AGXT: variants seen among roughly 807,000 people sequenced by gnomAD.
AGXT encodes the protein alanine--glyoxylate aminotransferase.
A neutral mutation model predicts 46.9 loss-of-function variants in AGXT; 41 were observed. The observed-to-expected ratio is 0.88, with a 90% confidence interval of 0.68 to 1.14. The LOEUF (loss-of-function observed/expected upper bound fraction) is 1.14. Among genes scored for constraint, AGXT ranks in the 50% most tolerant of loss-of-function variants. AGXT has a pLI of 0.00. For synonymous variants in AGXT, 244 were observed against 227.9 expected, an observed-to-expected ratio of 1.07 and a Z score of -0.64; for missense variants, 525 against 522.7, an observed-to-expected ratio of 1.00 and a Z score of -0.04.
At chr2:240,875,378 T>C (rs914609351) in intron 7 of AGXT, among the ~76,000 whole-genome samples, 174 bp downstream of exon 7, 29 of 152,144 alleles carry the variant, frequency 1.9e-4, no homozygotes, top group African/African-American at 7.0e-4. Flanking sequence ...CCACCCTGGG[T>C]TCCCCCATTC....
intron 2 of AGXT, among the ~76,000 whole-genome samples, chr2:240,870,219 G>C (rs2058984076): frequency 6.6e-6 from 1 of 152,268 alleles, no homozygotes; most frequent in South Asian, 2.1e-4. Context: ...GGTCAAGGCT[G>C]CTGCCTCACT....
At chr2:240,873,420 C>A (rs2059002439) in intron 5 of AGXT, 1 of 308,566 alleles carries the variant, frequency 3.2e-6, no homozygotes. Context: ...TTCACATCTG[C>A]CCTGCGCCCT....
chr2:240,873,191 C>G (rs1575709454), intron 5 of AGXT, 142 bp downstream of exon 5: 1 of 706,588 alleles, frequency 1.4e-6, no homozygotes, highest in East Asian at 2.7e-5. Context: ...AACACTCACT[C>G]CTTACTGCGG....
In AGXT at chr2:240,878,965, GC is replaced by G; in HGVS notation, c.*146del. The G allele has an allele frequency of 2.5e-6, 2 of 812,526 alleles. No individual in the cohort carries two copies. The highest frequency in any genetic ancestry group is 4.0e-6 in the Non-Finnish European group (2 of 494,556). 50.3% of individuals were successfully genotyped at this position (812,526 alleles called of 1,614,324 possible). ...CCAGCCCGGGAGGCAGAACCAGGCA[GC>G]CTCCCTGGCCCCAGGCAGCCCTTTT... On this transcript the variant is annotated 3_prime_UTR_variant, in exon 11 of 11. Coordinates refer to ENST00000307503, the MANE Select transcript of AGXT (RefSeq NM_000030.3).
In AGXT at chr2:240,875,157, C is replaced by T. The variant is rs1575710614; in HGVS notation, c.729C>T (p.Asp243=). 1.9e-6 allele frequency: 3 copies of T among 1,614,056 alleles called. No homozygotes were observed. The East Asian group carries it at 6.7e-5, about 36-fold the overall frequency. ...RKTKPFSFYL[D]IKWLANFWGC... is the part of the protein sequence containing the mutation. ...CGAAGCCCTTCTCCTTCTACCTGGA[C>T]ATCAAGTGGCTGGCCAACTTCTGGG... Residue 243 remains aspartate (D), a synonymous_variant, in exon 7 of 11, where the codon GAC becomes GAT. Transcript: ENST00000307503.
chr2:240,877,004 G>A (rs981301982), intron 8 of AGXT: 1 of 252,410 alleles, frequency 4.0e-6, no homozygotes, highest in Non-Finnish European at 8.0e-6. Context: ...ACCCACCTGG[G>A]GTGGCCATGA....
chr2:240,871,553 C>A, intron 4 of AGXT, 104 bp downstream of exon 4: 1 of 1,077,746 alleles, frequency 9.3e-7, no homozygotes, highest in Non-Finnish European at 1.4e-6. Flanking sequence ...GGTCCCCACC[C>A]CAGCCTCTGT....
intron 8 of AGXT, among the ~76,000 whole-genome samples, chr2:240,876,741 T>C (rs1298902068): frequency 6.6e-6 from 1 of 152,090 alleles, no homozygotes; most frequent in African/African-American, 2.4e-5. Flanking sequence ...AGTGCCAGGG[T>C]GCCCCTGTAA....
chr2:240,872,368 GGTGAGA>G (rs2058996514), intron 4 of AGXT, among the ~76,000 whole-genome samples: 1 of 144,210 alleles, frequency 6.9e-6, no homozygotes, highest in South Asian at 2.2e-4. Context: ...GGCGGAGGAG[GGTGAGA>G]GTTCGTGAAC....
chr2:240,874,348 G>C (rs1038941705), intron 6 of AGXT, among the ~76,000 whole-genome samples: 1 of 152,250 alleles, frequency 6.6e-6, no homozygotes, highest in African/African-American at 2.4e-5. Context: ...GAGGGCCTGA[G>C]GCCCAGTGCC....
intron 6 of AGXT, 80 bp downstream of exon 6, chr2:240,874,142 G>A: frequency 2.8e-6 from 4 of 1,422,220 alleles, no homozygotes; most frequent in Admixed American, 1.7e-5. Context: ...GGAGGGGCGG[G>A]AGCCAGGCAG....
chr2:240,878,880 G>A lies in AGXT; in HGVS notation c.*59G>A. On this transcript the variant is annotated 3_prime_UTR_variant, in exon 11 of 11. Transcript: ENST00000307503. ...CACCTGTCCCATGCCCACCCTGAGG[G>A]ATCAGGAGCAAACAGACCCTGCAAG... The A allele has an allele frequency of 1.3e-6, 2 of 1,492,854 alleles. No individual in the cohort carries two copies. Among genetic ancestry groups the A allele is most frequent in the African/African-American group, 1.4e-5 (1 of 72,416 alleles). 92.5% of individuals were successfully genotyped at this position (1,492,854 alleles called of 1,614,324 possible).
chr2:240,872,876 C>T, intron 4 of AGXT, 103 bp from the exon 5 acceptor site: 1 of 1,057,698 alleles, frequency 9.5e-7, no homozygotes, highest in Non-Finnish European at 1.5e-6. Flanking sequence ...CCCTGCCTTC[C>T]TTGCCAGCCT....
At position 240,878,145 on chromosome 2, in the gene AGXT, G is replaced by A. The variant is rs1185670807; in HGVS notation, c.1066G>A (p.Gly356Arg). Reference protein sequence around the residue: ...EIMGGLGPSTGKVLRIGLLGC... With the variant: ...EIMGGLGPSTRKVLRIGLLGC... ...CATGGGTGGCCTTGGGCCCTCCACG[G>A]GGAAGGTGAGAGGGAGCGCCTCGAG... The change falls in exon 10 of 11, where the codon GGG becomes AGG. Residue 356 changes from glycine to arginine, a missense_variant. Coordinates refer to ENST00000307503, the MANE Select transcript of AGXT (RefSeq NM_000030.3). 6.2e-7 allele frequency: 1 copy of A among 1,612,946 alleles called. No individual in the cohort carries two copies. Among genetic ancestry groups the A allele is most frequent in the Non-Finnish European group, 8.5e-7 (1 of 1,179,962 alleles).
At position 240,878,792 on chromosome 2, in the gene AGXT, C is replaced by T; in HGVS notation, c.1150C>T (p.Leu384=). The change falls in exon 11 of 11, where the codon CTG becomes TTG. Residue 384 remains leucine, a synonymous_variant. Coordinates refer to ENST00000307503, the MANE Select transcript of AGXT (RefSeq NM_000030.3). ...CGTGACGGAGGCCCTGAGGGCGGCC[C>T]TGCAGCACTGCCCCAAGAAGAAGCT... is the stretch of plus-strand genomic sequence containing the variant. ...DRVTEALRAA[L]QHCPKKKL The T allele has an allele frequency of 6.3e-7, 1 of 1,594,486 alleles. No individual in the cohort carries two copies. The highest frequency in any genetic ancestry group is 1.1e-5 in the South Asian group (1 of 87,556).
Position 240,868,861 on chromosome 2 carries a change from G to T in AGXT, c.-5G>T. ...GGTTCCCGAGCGGCAGGTTGGGTGC[G>T]GACCATGGCCTCTCACAAGCTGCTG... On this transcript the variant is annotated 5_prime_UTR_variant, in exon 1 of 11. Transcript: ENST00000307503. 6.2e-7 allele frequency: 1 copy of T among 1,607,968 alleles called. No individual in the cohort carries two copies. Among genetic ancestry groups the T allele is most frequent in the Non-Finnish European group, 8.5e-7 (1 of 1,178,028 alleles).
At chr2:240,876,484 A>G (rs527904107) in intron 8 of AGXT, among the ~76,000 whole-genome samples, 37 of 152,250 alleles carry the variant, frequency 2.4e-4, no homozygotes, top group Admixed American at 2.0e-3. Flanking sequence ...ACACTGCAAC[A>G]TCCACACTCT....
chr2:240,875,215 G>T lies in AGXT; in HGVS notation c.776+11G>T, dbSNP rs1050180851. 6 of 1,605,080 alleles carry T rather than the reference G, an allele frequency of 3.7e-6. No homozygotes were observed. The South Asian group carries it at 6.6e-5, about 18-fold the overall frequency. On this transcript the variant is annotated intron_variant, in intron 7 of 10. Coordinates refer to ENST00000307503, the MANE Select transcript of AGXT (RefSeq NM_000030.3). ...CGACCAGCCCAGGATGTGAGGCCTG[G>T]CAGGGATGGGAAGGTGGAGGGCGCT...
chr2:240,877,310 C>G (rs776901573), intron 8 of AGXT: 1 of 689,016 alleles, frequency 1.5e-6, no homozygotes, highest in Non-Finnish European at 2.7e-6. Flanking sequence ...ACAGGCAGAC[C>G]TCCCCTCTGT....
Sources: allele counts gnomAD v4.1 joint callset (sites outside exome capture counted in the v4.1 genomes callset), GRCh38; gene constraint gnomAD v4.1.1; transcripts MANE v1.5; gene names NCBI Gene and HGNC (gene_info 2026-07-23, HGNC 2026-07-21).